CNTNAP2: variants seen among roughly 807,000 people sequenced by gnomAD.
The protein encoded by CNTNAP2 is contactin associated protein 2.
A neutral mutation model predicts 155.2 loss-of-function variants in CNTNAP2; 98 were observed. The ratio of observed to expected loss-of-function variants is 0.63; its 90% CI spans 0.54 to 0.75. The LOEUF (loss-of-function observed/expected upper bound fraction) is 0.75, where lower values mean the gene tolerates loss of function less well. Ranked by LOEUF, CNTNAP2 falls within the 30% of genes least tolerant of loss-of-function variation. CNTNAP2 has a pLI of 0.00. For synonymous variants in CNTNAP2, 651 were observed against 631.2 expected (o/e 1.03, Z -0.47); for missense variants, 1,727 against 1,688.1 (o/e 1.02, Z -0.40).
At chr7:148,179,007 T>A (rs963414419) in intron 18 of CNTNAP2, among the ~76,000 whole-genome samples, 1 of 152,178 alleles carries the variant, frequency 6.6e-6, no homozygotes, top group African/African-American at 2.4e-5. Flanking sequence ...TTAATTTTGG[T>A]CACAGTAAAA....
intron 9 of CNTNAP2, among the ~76,000 whole-genome samples, chr7:147,377,772 T>C (rs1796462871): frequency 6.6e-6 from 1 of 151,956 alleles, no homozygotes; most frequent in African/African-American, 2.4e-5. Context: ...TTCACTTTTC[T>C]TAAGAAGCTT....
intron 1 of CNTNAP2, among the ~76,000 whole-genome samples, chr7:146,226,537 T>C (rs1416713795): frequency 6.6e-6 from 1 of 152,064 alleles, no homozygotes; most frequent in Non-Finnish European, 1.5e-5. Context: ...TGCACACTTG[T>C]AGACCCAGGT....
intron 13 of CNTNAP2, among the ~76,000 whole-genome samples, chr7:147,698,642 G>T (rs770689687): frequency 3.7e-4 from 57 of 152,048 alleles, no homozygotes; most frequent in Non-Finnish European, 4.4e-4. Flanking sequence ...GCTCACTGCT[G>T]TCCTGAACCC....
intron 1 of CNTNAP2, among the ~76,000 whole-genome samples, chr7:146,126,266 G>T (rs1020815703): frequency 8.5e-5 from 13 of 152,074 alleles, no homozygotes; most frequent in African/African-American, 3.1e-4. Flanking sequence ...TGTATATAAA[G>T]GAAAAAGCCT....
intron 9 of CNTNAP2, among the ~76,000 whole-genome samples, chr7:147,314,160 G>A (rs1795181930): frequency 6.6e-6 from 1 of 152,022 alleles, no homozygotes. Context: ...AGACTTTTTG[G>A]CTTTCAAGAC....
intron 2 of CNTNAP2, among the ~76,000 whole-genome samples, chr7:146,801,185 AAGG>A (rs1457432781): frequency 2.0e-5 from 3 of 152,140 alleles, no homozygotes. Context: ...GAGCAGGAAA[AAGG>A]AGGAAGTTTC....
chr7:147,712,777 G>A (rs1441827541), intron 13 of CNTNAP2, among the ~76,000 whole-genome samples: 1 of 152,114 alleles, frequency 6.6e-6, no homozygotes, highest in African/African-American at 2.4e-5. Context: ...ATAGCATTAG[G>A]AGATATACCT....
intron 12 of CNTNAP2, among the ~76,000 whole-genome samples, chr7:147,590,727 C>A (rs1201243674): frequency 1.3e-5 from 2 of 152,036 alleles, no homozygotes; most frequent in Non-Finnish European, 2.9e-5. Flanking sequence ...ATATTCTAAG[C>A]AAGTCATGAT....
chr7:147,707,860 T>C (rs1796339602), intron 13 of CNTNAP2, among the ~76,000 whole-genome samples: 1 of 152,168 alleles, frequency 6.6e-6, no homozygotes, highest in African/African-American at 2.4e-5. Flanking sequence ...ATTGCATTGT[T>C]GTGGGCATTG....
intron 15 of CNTNAP2, among the ~76,000 whole-genome samples, chr7:148,031,028 A>T (rs1802467592): frequency 6.6e-6 from 1 of 152,152 alleles, no homozygotes; most frequent in Non-Finnish European, 1.5e-5. Context: ...CTCCATTGGC[A>T]CAAAAGACTG....
At chr7:146,444,928 A>G (rs561052443) in intron 1 of CNTNAP2, among the ~76,000 whole-genome samples, 1 of 150,908 alleles carries the variant, frequency 6.6e-6, no homozygotes, top group Admixed American at 6.6e-5. Flanking sequence ...AAATGCTGGG[A>G]TTACAGGCAT....
At chr7:147,023,349 C>T (rs1050789409) in intron 3 of CNTNAP2, among the ~76,000 whole-genome samples, 16 of 152,152 alleles carry the variant, frequency 1.1e-4, no homozygotes, top group Non-Finnish European at 2.1e-4. Flanking sequence ...TCATGCTTGA[C>T]ATATAATCTT....
intron 1 of CNTNAP2, among the ~76,000 whole-genome samples, chr7:146,568,379 G>A (rs888790068): frequency 3.3e-5 from 5 of 152,138 alleles, no homozygotes; most frequent in African/African-American, 1.2e-4. Flanking sequence ...CTGCAGAGAG[G>A]TAGACATTTT....
intron 13 of CNTNAP2, 129 bp downstream of exon 13, chr7:147,639,435 GTAAAA>G (rs1795239370): frequency 2.3e-6 from 2 of 872,106 alleles, no homozygotes; most frequent in East Asian, 2.7e-5. Context: ...CTGTAAATAA[GTAAAA>G]TAAAATCATT....
chr7:147,562,137 G>A lies in CNTNAP2; in HGVS notation c.1778-1G>A, dbSNP rs1396313317. ...TATGTAGGATATTTTGTTTGTTCTA[G>A]CTATCTACGAGCCTTCCTGTGAAGC... is the stretch of plus-strand genomic sequence containing the variant. On this transcript the variant is annotated splice_acceptor_variant, in intron 11 of 23. Transcript: ENST00000361727. LOFTEE classifies it high-confidence loss of function. The A allele has an allele frequency of 4.3e-6, 7 of 1,613,896 alleles. No individual in the cohort carries two copies. The highest frequency in any genetic ancestry group is 5.9e-6 in the Non-Finnish European group (7 of 1,179,844).
chr7:147,250,213 T>C (rs1804165526), intron 8 of CNTNAP2, among the ~76,000 whole-genome samples: 1 of 152,062 alleles, frequency 6.6e-6, no homozygotes, highest in South Asian at 2.1e-4. Flanking sequence ...TTAATAGATG[T>C]TAGGGAAAGT....
intron 13 of CNTNAP2, among the ~76,000 whole-genome samples, chr7:147,771,770 A>C (rs1293378888): frequency 6.6e-6 from 1 of 152,040 alleles, no homozygotes; most frequent in Non-Finnish European, 1.5e-5. Flanking sequence ...TCTGTTCCTA[A>C]AATCTTTTTG....
At chr7:147,856,832 T>C (rs1453364763) in intron 13 of CNTNAP2, among the ~76,000 whole-genome samples, 1 of 152,000 alleles carries the variant, frequency 6.6e-6, no homozygotes, top group Non-Finnish European at 1.5e-5. Context: ...TTTTGGAAAA[T>C]ATTTGTCAGT....
At position 147,915,109 on chromosome 7, in the gene CNTNAP2, A is replaced by G. The variant is rs550830632; in HGVS notation, c.2255+11388A>G. Among the ~76,000 whole-genome samples, 237 of 152,328 alleles carry G rather than the reference A, an allele frequency of 1.6e-3. 1 individual carries two copies. Among genetic ancestry groups the G allele is most frequent in the Middle Eastern group, 6.8e-3 (2 of 294 alleles). ...AGAATCCTAGCCAGCATCCCAGTAC[A>G]TAATAAAACAATACTAAATTCTTAT... On this transcript the variant is annotated intron_variant, in intron 14 of 23. Transcript: ENST00000361727.
Sources: gnomAD v4.1 joint callset for allele counts (sites outside exome capture counted in the v4.1 genomes callset) on GRCh38, gnomAD v4.1.1 for gene constraint, MANE v1.5 for transcripts, NCBI Gene and HGNC (gene_info 2026-07-23, HGNC 2026-07-21) for gene names.